PTPRD: variants seen among roughly 807,000 people sequenced by gnomAD.
PTPRD encodes receptor-type tyrosine-protein phosphatase delta.
A neutral mutation model predicts 214.5 loss-of-function variants in PTPRD; 34 were observed. The ratio of observed to expected loss-of-function variants is 0.16; its 90% confidence interval spans 0.12 to 0.21. PTPRD has a LOEUF of 0.21. PTPRD is among the 10% of genes least tolerant of loss of function. The probability of loss-of-function intolerance (pLI) is 1.00; values close to 1 mark genes in which losing one functional copy is unlikely to be tolerated. For synonymous variants in PTPRD, 1,128 were observed against 845.7 expected (o/e 1.33, Z -5.79); for missense variants, 2,545 against 2,398.7 (o/e 1.06, Z -1.27).
chr9:9,142,222 G>C (rs1167340825), intron 10 of PTPRD, among the ~76,000 whole-genome samples: 1 of 152,194 alleles, frequency 6.6e-6, no homozygotes, highest in Admixed American at 6.5e-5. Context: ...AGAGCAGCAA[G>C]CAGGTGTGCT....
chr9:10,578,969 G>A (rs1488514610), intron 2 of PTPRD, among the ~76,000 whole-genome samples: 5 of 151,726 alleles, frequency 3.3e-5, no homozygotes, highest in African/African-American at 9.7e-5. Flanking sequence ...GGTTTGTTAC[G>A]TAGGTATACA....
intron 21 of PTPRD, among the ~76,000 whole-genome samples, chr9:8,512,075 A>G (rs2097693950): frequency 1.3e-5 from 2 of 152,144 alleles, no homozygotes; most frequent in Admixed American, 6.5e-5. Context: ...TAGTATAAAT[A>G]TGAAATATGA....
rs541578872 is a variant in PTPRD at position 9,517,566 on chromosome 9, A to G, written c.-237+57166T>C. Among the ~76,000 whole-genome samples, 202 of 152,224 alleles carry G rather than the reference A, an allele frequency of 1.3e-3. 1 individual carries two copies. The highest frequency in any genetic ancestry group is 2.2e-3 in the Non-Finnish European group (151 of 68,022). The stretch of plus-strand genomic sequence containing the variant: ...TTCTTCCTACACCAACAGCAGTGAA[A>G]AAAACCACTTAGAGTATTAGAAACA... On this transcript the variant is annotated intron_variant, in intron 8 of 45. Coordinates refer to ENST00000381196, the MANE Select transcript of PTPRD (RefSeq NM_002839.4).
At chr9:8,805,484 G>C (rs1259433886) in intron 11 of PTPRD, among the ~76,000 whole-genome samples, 1 of 150,746 alleles carries the variant, frequency 6.6e-6, no homozygotes, top group African/African-American at 2.4e-5. Context: ...TTTGGAAAAT[G>C]ATTATAAACC....
chr9:8,507,587 C>A (rs1204328840), intron 21 of PTPRD, among the ~76,000 whole-genome samples, 153 bp from the exon 22 acceptor site: 1 of 152,156 alleles, frequency 6.6e-6, no homozygotes, highest in Non-Finnish European at 1.5e-5. Flanking sequence ...AAGTTAACCT[C>A]TTTGTGTACA....
chr9:8,593,548 T>C (rs1260792025), intron 14 of PTPRD, among the ~76,000 whole-genome samples: 1 of 152,226 alleles, frequency 6.6e-6, no homozygotes, highest in Non-Finnish European at 1.5e-5. Flanking sequence ...TGTAAACTCC[T>C]ACTTCCTCAT....
At chr9:9,315,771 G>A (rs893212112) in intron 9 of PTPRD, among the ~76,000 whole-genome samples, 3 of 150,466 alleles carry the variant, frequency 2.0e-5, no homozygotes, top group African/African-American at 7.3e-5. Context: ...TTGAATCTGG[G>A]GTTAAATCCT....
intron 11 of PTPRD, among the ~76,000 whole-genome samples, chr9:8,845,177 C>CA (rs552115354): frequency 6.7e-6 from 1 of 149,296 alleles, no homozygotes; most frequent in African/African-American, 2.5e-5. Context: ...GAAAAAAAAA[C>CA]AAAAACAAAA....
chr9:9,118,544 C>A (rs573188024), intron 10 of PTPRD, among the ~76,000 whole-genome samples: 4 of 152,208 alleles, frequency 2.6e-5, no homozygotes, highest in Admixed American at 2.0e-4. Flanking sequence ...ATTCTAGTAG[C>A]CTGCATAATG....
At chr9:8,950,946 A>G (rs1001930336) in intron 11 of PTPRD, among the ~76,000 whole-genome samples, 7 of 152,118 alleles carry the variant, frequency 4.6e-5, no homozygotes, top group Admixed American at 3.9e-4. Flanking sequence ...ATGCTTTACA[A>G]TAGAAAAATA....
intron 2 of PTPRD, among the ~76,000 whole-genome samples, chr9:10,436,357 T>C (rs539229909): frequency 6.6e-6 from 1 of 151,718 alleles, no homozygotes; most frequent in Non-Finnish European, 1.5e-5. Context: ...CTCTATTTGC[T>C]TCTCCCAACC....
intron 3 of PTPRD, among the ~76,000 whole-genome samples, chr9:10,317,711 C>T (rs933957340): frequency 6.6e-6 from 1 of 151,868 alleles, no homozygotes; most frequent in African/African-American, 2.4e-5. Flanking sequence ...AATTAATAAA[C>T]AGATTTTTTA....
At chr9:9,168,626 T>G (rs1569557657) in intron 10 of PTPRD, among the ~76,000 whole-genome samples, 1 of 152,144 alleles carries the variant, frequency 6.6e-6, no homozygotes, top group Non-Finnish European at 1.5e-5. Flanking sequence ...TTTTTTGCAC[T>G]GACTTGACTA....
At chr9:9,694,045 T>A (rs1452469040) in intron 7 of PTPRD, among the ~76,000 whole-genome samples, 1 of 152,228 alleles carries the variant, frequency 6.6e-6, no homozygotes, top group Non-Finnish European at 1.5e-5. Context: ...AACAGCAATT[T>A]TGAATATTTT....
chr9:9,246,750 C>A (rs189361484), intron 9 of PTPRD, among the ~76,000 whole-genome samples: 52 of 152,118 alleles, frequency 3.4e-4, no homozygotes, highest in African/African-American at 1.2e-3. Flanking sequence ...ATTCTTGGAG[C>A]TGAGAGATTG....
chr9:9,370,809 T>A (rs934167376), intron 9 of PTPRD, among the ~76,000 whole-genome samples: 8 of 152,004 alleles, frequency 5.3e-5, no homozygotes, highest in Admixed American at 6.6e-5. Context: ...TTATTGAGAG[T>A]TTTTAGCATG....
chr9:8,925,201 C>T (rs1279929929), intron 11 of PTPRD, among the ~76,000 whole-genome samples: 1 of 152,084 alleles, frequency 6.6e-6, no homozygotes, highest in Non-Finnish European at 1.5e-5. Context: ...ATGCAGCCAA[C>T]GTCTTGACTC....
chr9:9,758,028 G>A (rs1408887756), intron 6 of PTPRD, among the ~76,000 whole-genome samples: 1 of 151,740 alleles, frequency 6.6e-6, no homozygotes, highest in Non-Finnish European at 1.5e-5. Context: ...CTGCCGGTGA[G>A]CCTCTCGTGT....
At chr9:9,181,754 T>G (rs1327627946) in intron 10 of PTPRD, among the ~76,000 whole-genome samples, 1 of 151,990 alleles carries the variant, frequency 6.6e-6, no homozygotes, top group African/African-American at 2.4e-5. Flanking sequence ...TGGTCTGTCT[T>G]GAAGAAACAA....
Sources: allele counts gnomAD v4.1 joint callset (sites outside exome capture counted in the v4.1 genomes callset), GRCh38; gene constraint gnomAD v4.1.1; transcripts MANE v1.5; gene names NCBI Gene and HGNC (gene_info 2026-07-23, HGNC 2026-07-21).